The following NRXN2 variants were observed in gnomAD, a reference collection of about 807,000 sequenced individuals.
NRXN2 encodes the protein neurexin-2-beta.
NRXN2 carries 29 observed loss-of-function variants against 128.8 expected under a neutral mutation model. That is an observed-to-expected ratio of 0.23 (90% CI 0.17 to 0.31). NRXN2 has a LOEUF of 0.31. Ranked by LOEUF, NRXN2 falls within the 10% of genes least tolerant of loss-of-function variation. The pLI is 1.00. For missense variants in NRXN2, 1,881 were observed against 2,452.6 expected (o/e 0.77, Z 4.92); for synonymous variants, 1,098 against 1,075.2 (o/e 1.02, Z -0.41).
intron 19 of NRXN2, among the ~76,000 whole-genome samples, chr11:64,628,093 A>C (rs1591596749): frequency 6.6e-6 from 1 of 152,238 alleles, no homozygotes; most frequent in East Asian, 1.9e-4. Flanking sequence ...AGAAAAATGT[A>C]CATCTGCCTG....
At chr11:64,646,403 G>GGCGACGGGCA (rs1360498782) in intron 17 of NRXN2, 2 of 152,430 alleles carry the variant, frequency 1.3e-5, no homozygotes, top group African/African-American at 4.8e-5. Context: ...GTGAAGCAGT[G>GGCGACGGGCA]GCGACGGGCA....
intron 5 of NRXN2, 36 bp downstream of exon 5, chr11:64,690,369 G>C: frequency 6.3e-7 from 1 of 1,589,828 alleles, no homozygotes; most frequent in South Asian, 1.1e-5. Context: ...AGCAGGATGA[G>C]GGCTGGGCTC....
rs2041081715 is a variant in NRXN2, at chr11:64,614,030, G to T, written c.4253-5948C>A. Among the ~76,000 whole-genome samples the T allele has an allele frequency of 2.0e-5, 3 of 152,214 alleles. 1 individual carries two copies. In the South Asian group the frequency reaches 6.2e-4, roughly 32 times the overall value. The stretch of plus-strand genomic sequence containing the variant: ...AAGGAAGAGACCAAGGAGGCAAGGA[G>T]TATGAGGAGGCAAGAACTGGCTGGT... On this transcript the variant is annotated intron_variant, in intron 22 of 22. Coordinates refer to ENST00000265459, the MANE Select transcript of NRXN2 (RefSeq NM_015080.4).
chr11:64,625,916 C>G (rs1367384880), intron 20 of NRXN2, among the ~76,000 whole-genome samples: 1 of 152,230 alleles, frequency 6.6e-6, no homozygotes, highest in Non-Finnish European at 1.5e-5. Flanking sequence ...CCCCACAGCA[C>G]TCTCTTTGGG....
At chr11:64,650,097 C>T (rs1591797766) in intron 15 of NRXN2, among the ~76,000 whole-genome samples, 1 of 152,096 alleles carries the variant, frequency 6.6e-6, no homozygotes, top group African/African-American at 2.4e-5. Flanking sequence ...GGATGCTAAG[C>T]TCCCTATTCT....
At chr11:64,694,699 GCCACCAA>G (rs1434079319) in intron 3 of NRXN2, among the ~76,000 whole-genome samples, 3 of 152,052 alleles carry the variant, frequency 2.0e-5, no homozygotes, top group Non-Finnish European at 4.4e-5. Context: ...CTCCTACTCT[GCCACCAA>G]CCCTTTCCCC....
chr11:64,664,816 C>A (rs2049567558), intron 9 of NRXN2, among the ~76,000 whole-genome samples: 1 of 150,514 alleles, frequency 6.6e-6, no homozygotes, highest in Non-Finnish European at 1.5e-5. Context: ...ACAGTGAAAC[C>A]CCGTCTCCAC....
At position 64,625,147 on chromosome 11, in the gene NRXN2, CCTT is replaced by C. The variant is rs569579927; in HGVS notation, c.3847+1313_3847+1315del. Among the ~76,000 whole-genome samples the C allele has an allele frequency of 9.8e-5, 15 of 152,342 alleles. No individual in the cohort carries two copies. The South Asian group carries it at 3.1e-3, about 32-fold the overall frequency. ...AAAAAGGAAGGAGGGCCCTGGCTCT[CCTT>C]CATCTAAACCACAATTCCTCCCCCA... On this transcript the variant is annotated intron_variant, in intron 20 of 22. Coordinates refer to ENST00000265459, the MANE Select transcript of NRXN2 (RefSeq NM_015080.4).
At chr11:64,626,611 A>G in intron 19 of NRXN2, 59 bp from the exon 20 acceptor site, 1 of 1,245,118 alleles carries the variant, frequency 8.0e-7, no homozygotes, top group Non-Finnish European at 1.2e-6. Context: ...AAGGAGTTAG[A>G]AAAGTAATTA....
chr11:64,651,888 C>T lies in NRXN2; in HGVS notation c.2536+147G>A, dbSNP rs1029104391. 41 of 1,303,162 alleles carry T rather than the reference C, an allele frequency of 3.1e-5. No individual in the cohort carries two copies. Among genetic ancestry groups the T allele is most frequent in the Non-Finnish European group, 3.9e-5 (36 of 917,952 alleles). The allele number at this position is 1,303,162 out of a possible 1,614,324, so 80.7% of individuals were successfully genotyped here. On this transcript the variant is annotated intron_variant, in intron 13 of 22. Coordinates refer to ENST00000265459, the MANE Select transcript of NRXN2 (RefSeq NM_015080.4). This position sits in a 1 kb window ranked among gnomAD's most constrained non-coding sequence, Gnocchi z 5.9. ...GTTCCTGGGGTCCAGATGCCCATAA[C>T]ATTCCACCCCTGAAGGAGAAATGGC...
intron 7 of NRXN2, chr11:64,676,218 CCCTGGT>C (rs1700274386): frequency 6.6e-6 from 1 of 152,450 alleles, no homozygotes; most frequent in South Asian, 2.1e-4. Flanking sequence ...TGGACGCTAT[CCCTGGT>C]CAGGGGAAAA....
intron 2 of NRXN2, among the ~76,000 whole-genome samples, chr11:64,707,201 G>A (rs2056425474): frequency 6.6e-6 from 1 of 152,032 alleles, no homozygotes; most frequent in Non-Finnish European, 1.5e-5. Context: ...GACCATCCTG[G>A]CTAACATGGT....
intron 17 of NRXN2, chr11:64,643,084 C>T (rs921275113): frequency 2.0e-6 from 2 of 988,106 alleles, no homozygotes; most frequent in Non-Finnish European, 2.4e-6. Flanking sequence ...CGGAGCGGCG[C>T]AGAGGGCCGT....
chr11:64,635,520 G>T lies in NRXN2; in HGVS notation c.3404-68C>A. The T allele has an allele frequency of 6.4e-7, 1 of 1,554,064 alleles. No individual in the cohort carries two copies. The highest frequency in any genetic ancestry group is 8.8e-7 in the Non-Finnish European group (1 of 1,137,222). On this transcript the variant is annotated intron_variant, in intron 17 of 22. Transcript: ENST00000265459. The surrounding 1 kb of genome is among the most constrained non-coding windows in gnomAD (Gnocchi z 4.8). ...GAGGACGAGGTCAGCAGGTCCTCAG[G>T]GTTGTGACCAGAGGGATGGAACCCC... is the stretch of plus-strand genomic sequence containing the variant.
intron 2 of NRXN2, among the ~76,000 whole-genome samples, chr11:64,707,601 G>A (rs950942313): frequency 1.3e-5 from 2 of 152,292 alleles, no homozygotes; most frequent in African/African-American, 4.8e-5. Context: ...ACCAGGCACT[G>A]TTCTAAGCAC....
intron 3 of NRXN2, among the ~76,000 whole-genome samples, chr11:64,696,292 GAGATGCAAACAC>G (rs1191814141): frequency 2.0e-5 from 3 of 151,522 alleles, no homozygotes; most frequent in Non-Finnish European, 1.5e-5. Context: ...CTGACACACG[GAGATGCAAACAC>G]AGATGCAGAC....
At position 64,660,455 on chromosome 11, in the gene NRXN2, C is replaced by T. The variant is rs777142516; in HGVS notation, c.2266G>A (p.Val756Met). The T allele has an allele frequency of 6.8e-6, 11 of 1,614,200 alleles. No individual in the cohort carries two copies. Among genetic ancestry groups the T allele is most frequent in the Non-Finnish European group, 9.3e-6 (11 of 1,180,028 alleles). Residue 756 changes from valine to methionine, a missense_variant, in exon 11 of 23, where the codon GTG becomes ATG. Val to Met is a conservative substitution (Grantham distance 21). Transcript: ENST00000265459. The surrounding 1 kb of genome is among the most constrained non-coding windows in gnomAD (Gnocchi z 5.2). ...PNAMHTEAED[V>M]SLRFMSQRAY... Reference sequence around the variant, plus strand: ...CGCTGGGACATGAAACGCAGGGACACATCCTCTGCCTCCGTGTGCATGGCG... The same window carrying T: ...CGCTGGGACATGAAACGCAGGGACATATCCTCTGCCTCCGTGTGCATGGCG...
chr11:64,635,583 C>T lies in NRXN2; in HGVS notation c.3404-131G>A, dbSNP rs748177048. 77 of 1,016,770 alleles carry T rather than the reference C, an allele frequency of 7.6e-5. No individual in the cohort carries two copies. Among genetic ancestry groups the T allele is most frequent in the Non-Finnish European group, 1.1e-4 (72 of 674,210 alleles). 63.0% of individuals were successfully genotyped at this position (1,016,770 alleles called of 1,614,324 possible). ...GGGACTTCAGCTGTGATACCCACAGCAGCCACCAGCCCTGCCACCCCAGGG... is the reference window on the plus strand; with the variant it reads ...GGGACTTCAGCTGTGATACCCACAGTAGCCACCAGCCCTGCCACCCCAGGG... On this transcript the variant is annotated intron_variant, in intron 17 of 22. Coordinates refer to ENST00000265459, the MANE Select transcript of NRXN2 (RefSeq NM_015080.4). The surrounding 1 kb of genome is among the most constrained non-coding windows in gnomAD (Gnocchi z 4.8).
At chr11:64,644,541 C>T (rs2046343785) in intron 17 of NRXN2, among the ~76,000 whole-genome samples, 1 of 152,158 alleles carries the variant, frequency 6.6e-6, no homozygotes, top group Admixed American at 6.5e-5. Context: ...GTTCTGTCCC[C>T]CAAACTTTTG....
Sources: gnomAD v4.1 joint callset for allele counts (sites outside exome capture counted in the v4.1 genomes callset) on GRCh38, gnomAD v4.1.1 for gene constraint, Gnocchi (gnomAD v3.1) non-coding constraint, MANE v1.5 for transcripts, NCBI Gene and HGNC (gene_info 2026-07-23, HGNC 2026-07-21) for gene names.